Variants in WNT3A observed in about 807,000 individuals in gnomAD.
The protein encoded by WNT3A is protein Wnt-3a.
WNT3A carries 17 observed loss-of-function variants against 37.0 expected under a neutral mutation model. That is an observed-to-expected ratio of 0.46 (90% CI 0.31 to 0.69). WNT3A has a LOEUF of 0.69. Among genes scored for constraint, WNT3A ranks in the 30% least tolerant of loss-of-function variants. The pLI is 0.05. For missense variants in WNT3A, 411 were observed against 510.2 expected (o/e 0.81, Z 1.87); for synonymous variants, 187 against 211.0 (o/e 0.89, Z 0.99).
chr1:228,007,968 G>C lies in WNT3A; in HGVS notation c.71+769G>C, dbSNP rs942411930. ...CCACACCAGAAAAGGCGCGTTCCGT[G>C]AGACCCTCCCCAGCCTGGCGATGGA... is the stretch of plus-strand genomic sequence containing the variant. On this transcript the variant is annotated intron_variant, in intron 1 of 3. Coordinates refer to ENST00000284523, the MANE Select transcript of WNT3A (RefSeq NM_033131.4). This position sits in a 1 kb window ranked among gnomAD's most constrained non-coding sequence, Gnocchi z 6.0. Among the ~76,000 whole-genome samples, 1 of 152,226 alleles carries C rather than the reference G, an allele frequency of 6.6e-6. No homozygotes were observed. Among genetic ancestry groups the C allele is most frequent in the Admixed American group, 6.5e-5 (1 of 15,292 alleles).
At chr1:228,055,179 AAT>A (rs1180107835) in intron 3 of WNT3A, among the ~76,000 whole-genome samples, 1,010 of 19,238 alleles carry the variant, frequency 0.053, 35 homozygotes, top group Admixed American at 0.058. Flanking sequence ...AAAAAAAAAA[AAT>A]ATATATATAT....
At chr1:228,017,320 G>C (rs528339839) in intron 1 of WNT3A, among the ~76,000 whole-genome samples, 10 of 152,320 alleles carry the variant, frequency 6.6e-5, no homozygotes, top group African/African-American at 2.4e-4. Flanking sequence ...GTATTGGAAG[G>C]GAGAAACAAC....
intron 2 of WNT3A, among the ~76,000 whole-genome samples, chr1:228,026,126 C>A (rs2030849145): frequency 8.6e-6 from 1 of 115,994 alleles, no homozygotes; most frequent in African/African-American, 3.5e-5. Context: ...ACTTTTTAAT[C>A]AAGAAATACA....
intron 2 of WNT3A, among the ~76,000 whole-genome samples, chr1:228,043,645 C>T (rs57114383): frequency 0.01 from 1,549 of 152,314 alleles, 26 homozygotes; most frequent in African/African-American, 0.034. Context: ...AGAGCCTGGA[C>T]GTAAGTCCTG....
intron 2 of WNT3A, among the ~76,000 whole-genome samples, chr1:228,028,498 A>T (rs1482905027): frequency 6.6e-6 from 1 of 151,584 alleles, no homozygotes. Context: ...TGTTTTTTGT[A>T]TTTTTAATAG....
chr1:228,024,428 G>C lies in WNT3A; in HGVS notation c.313+1520G>C, dbSNP rs374851641. On this transcript the variant is annotated intron_variant, in intron 2 of 3. Transcript: ENST00000284523. ...CTTCTCTGATGACCGATGATGCCAA[G>C]CACCATTTCATGGGCTTTGGGGCCA... is the stretch of plus-strand genomic sequence containing the variant. Among the ~76,000 whole-genome samples, 4 of 152,256 alleles carry C rather than the reference G, an allele frequency of 2.6e-5. No homozygotes were observed. In the South Asian group the frequency reaches 8.3e-4, roughly 31 times the overall value.
chr1:228,048,962 A>C (rs77546561), intron 2 of WNT3A, among the ~76,000 whole-genome samples: 2,019 of 152,266 alleles, frequency 0.013, 20 homozygotes, highest in African/African-American at 0.022. Context: ...CTTCTGCACA[A>C]GCAATGCCAC....
In WNT3A at chr1:228,031,540, TGTG is replaced by T. The variant is rs967365178; in HGVS notation, c.313+8636_313+8638del. Among the ~76,000 whole-genome samples, 4 of 151,940 alleles carry T rather than the reference TGTG, an allele frequency of 2.6e-5. No homozygotes were observed. Among genetic ancestry groups the T allele is most frequent in the Non-Finnish European group, 5.9e-5 (4 of 67,944 alleles). On this transcript the variant is annotated intron_variant, in intron 2 of 3. Transcript: ENST00000284523. The surrounding 1 kb of genome is among the most constrained non-coding windows in gnomAD (Gnocchi z 4.8). Reference sequence around the variant, plus strand: ...ATGTGAGTGTGCACGTGTGTGGGAATGTGGTGTGATGTGTCATGTGTGCACATG... The same window carrying T: ...ATGTGAGTGTGCACGTGTGTGGGAATGTGTGATGTGTCATGTGTGCACATG...
At chr1:228,048,375 G>A (rs977197769) in intron 2 of WNT3A, among the ~76,000 whole-genome samples, 10 of 152,328 alleles carry the variant, frequency 6.6e-5, no homozygotes, top group East Asian at 3.9e-4. Flanking sequence ...AGGCCAAGCC[G>A]AGGCTCAGGG....
chr1:228,023,841 G>A (rs2030791770), intron 2 of WNT3A, among the ~76,000 whole-genome samples: 1 of 152,114 alleles, frequency 6.6e-6, no homozygotes, highest in Non-Finnish European at 1.5e-5. Context: ...CCCTTCCATA[G>A]CCCCTGGCAC....
chr1:228,033,236 A>G (rs1404927322), intron 2 of WNT3A, among the ~76,000 whole-genome samples: 1 of 152,202 alleles, frequency 6.6e-6, no homozygotes, highest in African/African-American at 2.4e-5. Flanking sequence ...TGCCATATCT[A>G]AGAGACAATT....
intron 2 of WNT3A, among the ~76,000 whole-genome samples, chr1:228,036,569 T>C (rs1571805054): frequency 6.6e-6 from 1 of 152,290 alleles, no homozygotes; most frequent in East Asian, 1.9e-4. Context: ...GCCTGGTCCC[T>C]GAAGAGCCCT....
intron 2 of WNT3A, among the ~76,000 whole-genome samples, chr1:228,045,431 G>A (rs893188277): frequency 1.3e-5 from 2 of 152,172 alleles, no homozygotes; most frequent in Non-Finnish European, 2.9e-5. Context: ...GAGCACCCAG[G>A]ACACTCCTCA....
intron 2 of WNT3A, among the ~76,000 whole-genome samples, chr1:228,040,215 G>A (rs761061228): frequency 6.6e-6 from 1 of 152,192 alleles, no homozygotes; most frequent in Non-Finnish European, 1.5e-5. Flanking sequence ...TCTGGGCTCT[G>A]CACTCACTGC....
In WNT3A at chr1:228,031,236, G is replaced by A. The variant is rs74143618; in HGVS notation, c.313+8328G>A. Among the ~76,000 whole-genome samples the A allele has an allele frequency of 0.019, 2,890 of 152,318 alleles. 111 individuals carry two copies. The highest frequency in any genetic ancestry group is 0.066 in the African/African-American group (2,745 of 41,574). ...AGGACGTCCCTGAAGGACAAGTCAG[G>A]GTCCCTGTAGGAGAAGAAACTGGAG... is the stretch of plus-strand genomic sequence containing the variant. On this transcript the variant is annotated intron_variant, in intron 2 of 3. Transcript: ENST00000284523. This position sits in a 1 kb window ranked among gnomAD's most constrained non-coding sequence, Gnocchi z 4.8.
At chr1:228,029,311 G>T (rs1188775175) in intron 2 of WNT3A, among the ~76,000 whole-genome samples, 1 of 152,182 alleles carries the variant, frequency 6.6e-6, no homozygotes, top group Non-Finnish European at 1.5e-5. Flanking sequence ...ACTCGATGGA[G>T]CATCAAGGTC....
Position 228,059,033 on chromosome 1 carries a change from G to C in WNT3A, c.627G>C (p.Ser209=), listed in dbSNP as rs2031739346. 1 of 1,613,332 alleles carries C rather than the reference G, an allele frequency of 6.2e-7. No homozygotes were observed. The highest frequency in any genetic ancestry group is 8.5e-7 in the Non-Finnish European group (1 of 1,179,926). ...TCAAGTGCAAGTGCCACGGGCTGTC[G>C]GGCAGCTGCGAGGTGAAGACATGCT... ...MHLKCKCHGL[S]GSCEVKTCWW... is the part of the protein sequence containing the mutation. Residue 209 remains serine, a synonymous_variant, in exon 4 of 4, where the codon TCG becomes TCC. Transcript: ENST00000284523.
intron 1 of WNT3A, among the ~76,000 whole-genome samples, chr1:228,021,141 G>A (rs957417996): frequency 3.3e-5 from 5 of 152,136 alleles, no homozygotes; most frequent in East Asian, 1.9e-4. Flanking sequence ...AGAGCACTTC[G>A]GCCAGGCTGG....
intron 1 of WNT3A, among the ~76,000 whole-genome samples, chr1:228,015,570 C>G (rs771674765): frequency 6.6e-6 from 1 of 152,246 alleles, no homozygotes; most frequent in South Asian, 2.1e-4. Context: ...AGCCTCTCCC[C>G]GGGGACTGGG....
Sources: gnomAD v4.1 joint callset for allele counts (sites outside exome capture counted in the v4.1 genomes callset) on GRCh38, gnomAD v4.1.1 for gene constraint, Gnocchi (gnomAD v3.1) non-coding constraint, MANE v1.5 for transcripts, NCBI Gene and HGNC (gene_info 2026-07-23, HGNC 2026-07-21) for gene names.